STAG1: variants seen among roughly 807,000 people sequenced by gnomAD.
STAG1 encodes the protein STAG1 cohesin complex component.
In STAG1, 26 loss-of-function variants were observed where a neutral mutation model predicts 170.9. The ratio of observed to expected loss-of-function variants is 0.15; its 90% confidence interval spans 0.11 to 0.21. The LOEUF is 0.21. Ranked by LOEUF, STAG1 falls within the 10% of genes least tolerant of loss-of-function variation. The pLI is 1.00. For synonymous variants in STAG1, 514 were observed against 497.7 expected (o/e 1.03, Z -0.44); for missense variants, 964 against 1,509.5 (o/e 0.64, Z 5.99).
intron 1 of STAG1, among the ~76,000 whole-genome samples, chr3:136,640,132 A>G (rs2107845631): frequency 6.6e-6 from 1 of 152,358 alleles, no homozygotes; most frequent in East Asian, 1.9e-4. Context: ...TGAGTTCTTA[A>G]TAAATTCTAT....
rs1553743137 is a variant in STAG1, at chr3:136,541,582, A to ACACC, written c.471+533_471+536dup. Among the ~76,000 whole-genome samples the ACACC allele has an allele frequency of 4.1e-3, 611 of 150,174 alleles. 5 individuals are homozygous for ACACC. The highest frequency in any genetic ancestry group is 0.015 in the African/African-American group (601 of 40,642). On this transcript the variant is annotated intron_variant, in intron 6 of 33. Transcript: ENST00000383202. ...CACACACACACACACACACACACACACACCAGGGGTTTGGGAGAATTTCCA... is the reference window on the plus strand; with the variant it reads ...CACACACACACACACACACACACACACACCCACCAGGGGTTTGGGAGAATTTCCA...
chr3:136,501,172 G>A (rs1243511011), intron 8 of STAG1, among the ~76,000 whole-genome samples: 7 of 152,094 alleles, frequency 4.6e-5, no homozygotes, highest in Non-Finnish European at 7.4e-5. Context: ...TATTTTTATT[G>A]CATTTATCAT....
chr3:136,340,968 G>A (rs1234023698), intron 31 of STAG1, among the ~76,000 whole-genome samples: 1 of 152,144 alleles, frequency 6.6e-6, no homozygotes, highest in East Asian at 1.9e-4. Context: ...GAGTGCAGTG[G>A]CGTGATCTTG....
intron 21 of STAG1, among the ~76,000 whole-genome samples, chr3:136,400,296 C>T (rs999050859): frequency 1.3e-5 from 2 of 151,964 alleles, no homozygotes; most frequent in African/African-American, 2.4e-5. Context: ...GGCGTGATCT[C>T]GGCTCACTGC....
intron 16 of STAG1, among the ~76,000 whole-genome samples, chr3:136,432,082 G>A (rs1278472578): frequency 1.3e-5 from 2 of 151,998 alleles, no homozygotes; most frequent in African/African-American, 4.8e-5. Flanking sequence ...ACATTTCTGA[G>A]GCTCTGATAG....
chr3:136,579,448 A>C (rs773542369), intron 4 of STAG1, among the ~76,000 whole-genome samples: 3 of 152,178 alleles, frequency 2.0e-5, no homozygotes, highest in Non-Finnish European at 4.4e-5. Flanking sequence ...ACCGTGCTGC[A>C]TTCTAATCTG....
At position 136,621,872 on chromosome 3, in the gene STAG1, C is replaced by T. The variant is rs1451143947; in HGVS notation, c.132+1274G>A. Among the ~76,000 whole-genome samples the T allele has an allele frequency of 3.3e-5, 5 of 151,620 alleles. No homozygotes were observed. The East Asian group carries it at 5.8e-4, about 18-fold the overall frequency. On this transcript the variant is annotated intron_variant, in intron 3 of 33. Coordinates refer to ENST00000383202, the MANE Select transcript of STAG1 (RefSeq NM_005862.3). ...GGTGGATCATTCCTGTGTCATGACT[C>T]TAACCACCGAACTAGATTTTAAATG...
chr3:136,523,589 T>C (rs1934815471), intron 6 of STAG1, among the ~76,000 whole-genome samples: 1 of 152,180 alleles, frequency 6.6e-6, no homozygotes, highest in Non-Finnish European at 1.5e-5. Context: ...GCAGAAGCTC[T>C]TTAGTTTAAT....
chr3:136,495,111 A>C (rs766187127), intron 9 of STAG1, among the ~76,000 whole-genome samples: 7 of 152,230 alleles, frequency 4.6e-5, no homozygotes, highest in Non-Finnish European at 8.8e-5. Flanking sequence ...CAGTGTAAGG[A>C]TAGACAGAAA....
At chr3:136,687,497 G>A (rs1942570724) in intron 1 of STAG1, among the ~76,000 whole-genome samples, 1 of 151,848 alleles carries the variant, frequency 6.6e-6, no homozygotes, top group South Asian at 2.1e-4. Flanking sequence ...ATCTGCATAA[G>A]TGGGTCCAAA....
intron 20 of STAG1, among the ~76,000 whole-genome samples, chr3:136,418,874 C>G (rs1221687699): frequency 6.6e-6 from 1 of 152,032 alleles, no homozygotes; most frequent in African/African-American, 2.4e-5. Flanking sequence ...CTCCTGGACT[C>G]AAGAGATCCA....
Position 136,547,648 on chromosome 3 carries a change from T to C in STAG1, c.395-5453A>G, listed in dbSNP as rs1024630160. Among the ~76,000 whole-genome samples, 6 of 152,244 alleles carry C rather than the reference T, an allele frequency of 3.9e-5. No homozygotes were observed. The South Asian group carries it at 6.2e-4, about 16-fold the overall frequency. On this transcript the variant is annotated intron_variant, in intron 5 of 33. Coordinates refer to ENST00000383202, the MANE Select transcript of STAG1 (RefSeq NM_005862.3). ...GCATAATGCCCTCCAGATTCATCCATGGTTGTCACATATTGCAGAATTTTC... is the reference window on the plus strand; with the variant it reads ...GCATAATGCCCTCCAGATTCATCCACGGTTGTCACATATTGCAGAATTTTC...
At chr3:136,739,499 C>A (rs1237780244) in intron 1 of STAG1, among the ~76,000 whole-genome samples, 3 of 137,298 alleles carry the variant, frequency 2.2e-5, no homozygotes, top group Non-Finnish European at 4.7e-5. Context: ...GCAACAGACT[C>A]CGTCAAAAAA....
intron 7 of STAG1, among the ~76,000 whole-genome samples, chr3:136,508,490 C>A (rs1340825742): frequency 6.6e-6 from 1 of 152,086 alleles, no homozygotes; most frequent in Non-Finnish European, 1.5e-5. Flanking sequence ...GAGTTCAAGA[C>A]CAGCCTGGGT....
chr3:136,571,209 CCACCAGTTACATATGA>C (rs1264112466), intron 4 of STAG1, among the ~76,000 whole-genome samples: 1 of 151,376 alleles, frequency 6.6e-6, no homozygotes, highest in African/African-American at 2.5e-5. Context: ...ATTTATACTC[CCACCAGTTACATATGA>C]AGAGCTCAAA....
chr3:136,714,997 A>G (rs1315434430), intron 1 of STAG1, among the ~76,000 whole-genome samples: 18 of 111,176 alleles, frequency 1.6e-4, no homozygotes, highest in Admixed American at 1.2e-3. Context: ...TATATTTTAT[A>G]TATATAATAT....
intron 1 of STAG1, among the ~76,000 whole-genome samples, chr3:136,639,438 C>T (rs1041267202): frequency 1.3e-5 from 2 of 152,198 alleles, no homozygotes; most frequent in African/African-American, 2.4e-5. Flanking sequence ...TTAAAAATTA[C>T]ATGCTTTTAA....
intron 1 of STAG1, among the ~76,000 whole-genome samples, chr3:136,639,284 A>G (rs1042480788): frequency 9.9e-5 from 15 of 152,042 alleles, no homozygotes; most frequent in East Asian, 5.8e-4. Flanking sequence ...GCAGTGAGCC[A>G]TGATTGGGCC....
intron 6 of STAG1, among the ~76,000 whole-genome samples, chr3:136,540,343 G>A (rs1935832023): frequency 6.6e-6 from 1 of 151,270 alleles, no homozygotes; most frequent in Admixed American, 6.6e-5. Flanking sequence ...AAACTAGAAT[G>A]GTGATTTTAA....
Sources: allele counts gnomAD v4.1 joint callset (sites outside exome capture counted in the v4.1 genomes callset), GRCh38; gene constraint gnomAD v4.1.1; transcripts MANE v1.5; gene names NCBI Gene and HGNC (gene_info 2026-07-23, HGNC 2026-07-21).